TMEM184C: variants seen among roughly 807,000 people sequenced by gnomAD.
TMEM184C encodes transmembrane protein 34.
In TMEM184C, 25 loss-of-function variants were observed where a neutral mutation model predicts 54.5. The observed-to-expected ratio is 0.46, with a 90% CI of 0.33 to 0.64. TMEM184C has a LOEUF of 0.64. TMEM184C is among the 30% of genes least tolerant of loss of function. The pLI is 0.02. For synonymous variants in TMEM184C, 148 were observed against 181.5 expected (o/e 0.82, Z 1.49); for missense variants, 335 against 520.3 (o/e 0.64, Z 3.46).
intron 1 of TMEM184C, among the ~76,000 whole-genome samples, chr4:147,618,919 G>A (rs1732650561): frequency 6.6e-6 from 1 of 152,226 alleles, no homozygotes; most frequent in Non-Finnish European, 1.5e-5. Context: ...GCCCAGGCTG[G>A]AGTGCAATGG....
In TMEM184C at chr4:147,617,949, G is replaced by A. The variant is rs1578855561; in HGVS notation, c.-8G>A. On this transcript the variant is annotated 5_prime_UTR_variant, in exon 1 of 10. Transcript: ENST00000296582. Reference sequence around the variant, plus strand: ...CCCTTGCTAACCGGATCTGATTTGTGCGAAAACATGCCTTGCACTTGTACC... The same window carrying A: ...CCCTTGCTAACCGGATCTGATTTGTACGAAAACATGCCTTGCACTTGTACC... 1.2e-6 allele frequency: 2 copies of A among 1,613,990 alleles called. No individual in the cohort carries two copies. Among genetic ancestry groups the A allele is most frequent in the East Asian group, 4.5e-5 (2 of 44,882 alleles).
Position 147,632,953 on chromosome 4 carries a change from A to C in TMEM184C, c.830A>C (p.Lys277Thr). Residue 277 changes from lysine (K) to threonine (T), a missense_variant, in exon 8 of 10, where the codon AAG becomes ACG. Coordinates refer to ENST00000296582, the MANE Select transcript of TMEM184C (RefSeq NM_018241.3). ...LLVKVGVISE[K>T]HTWEWQTVEA... ...GTAAAAGTTGGCGTTATTTCTGAAA[A>C]GCATACGTGGGAATGGCAAACTGTA... 13 of 1,614,114 alleles carry C rather than the reference A, an allele frequency of 8.1e-6. 1 individual carries two copies. The Middle Eastern group carries it at 2.1e-3, about 266-fold the overall frequency.
At chr4:147,625,317 A>G (rs1222340213) in intron 4 of TMEM184C, among the ~76,000 whole-genome samples, 1 of 152,256 alleles carries the variant, frequency 6.6e-6, no homozygotes, top group African/African-American at 2.4e-5. Flanking sequence ...GATCTTATGT[A>G]AGAACACACA....
At chr4:147,618,398 G>A (rs1053243210) in intron 1 of TMEM184C, among the ~76,000 whole-genome samples, 4 of 152,150 alleles carry the variant, frequency 2.6e-5, no homozygotes, top group Admixed American at 1.3e-4. Flanking sequence ...GACATTGGAC[G>A]AAACTAGGTC....
intron 1 of TMEM184C, among the ~76,000 whole-genome samples, chr4:147,623,564 AAAAG>A (rs201782607): frequency 0.034 from 5,208 of 151,786 alleles, 214 homozygotes; most frequent in East Asian, 0.22. Flanking sequence ...TAAAAAAAAA[AAAAG>A]ATTCATACTC....
chr4:147,631,789 G>A (rs527367644), intron 7 of TMEM184C, among the ~76,000 whole-genome samples: 36 of 152,126 alleles, frequency 2.4e-4, no homozygotes, highest in Non-Finnish European at 4.4e-4. Context: ...AGAATACTAT[G>A]GAGTTTGGAA....
At position 147,636,524 on chromosome 4, in the gene TMEM184C, A is replaced by AAG; in HGVS notation, c.*2094_*2095dup. ...CTAAATGTAAGACCAGAAACTATAG[A>AAG]AGAGAACATAGGAGAAAAGTTCCTG... On this transcript the variant is annotated 3_prime_UTR_variant, in exon 10 of 10. Transcript: ENST00000296582. 1 of 152,254 alleles carries AAG rather than the reference A, an allele frequency of 6.6e-6. No individual in the cohort carries two copies. The highest frequency in any genetic ancestry group is 1.5e-5 in the Non-Finnish European group (1 of 67,978). The allele number at this position is 152,254 out of a possible 1,614,324, so 9.4% of individuals were successfully genotyped here.
At position 147,624,942 on chromosome 4, in the gene TMEM184C, C is replaced by A. The variant is rs1489058984; in HGVS notation, c.430C>A (p.Leu144Ile). The A allele has an allele frequency of 6.2e-7, 1 of 1,613,930 alleles. No homozygotes were observed. The highest frequency in any genetic ancestry group is 1.7e-4 in the Middle Eastern group (1 of 6,058). ...CCGGTATCCAAATCTGGTATTAATC[C>A]TTGAAGCCAAAGATCAACAGAAACA... Reference protein sequence around the residue: ...TNRYPNLVLILEAKDQQKHFP... With the variant: ...TNRYPNLVLIIEAKDQQKHFP... The change falls in exon 4 of 10, where the codon CTT becomes ATT. Residue 144 changes from leucine (L) to isoleucine (I), a missense_variant. Physicochemically the swap from Leu to Ile is conservative, Grantham distance 5. Coordinates refer to ENST00000296582, the MANE Select transcript of TMEM184C (RefSeq NM_018241.3).
chr4:147,623,875 T>C lies in TMEM184C; in HGVS notation c.165T>C (p.Phe55=). The change falls in exon 2 of 10, where the codon TTT becomes TTC. Residue 55 remains phenylalanine (F), a synonymous_variant. Coordinates refer to ENST00000296582, the MANE Select transcript of TMEM184C (RefSeq NM_018241.3). ...AGGCTTGGTTTATTGCTGGAATCTT[T>C]TTGCTGTTGACTATTCCTATATCAC... The part of the protein sequence containing the change: ...HTKAWFIAGI[F]LLLTIPISLW... 1 of 1,614,032 alleles carries C rather than the reference T, an allele frequency of 6.2e-7. No homozygotes were observed. Among genetic ancestry groups the C allele is most frequent in the Non-Finnish European group, 8.5e-7 (1 of 1,179,980 alleles).
chr4:147,624,106 T>C lies in TMEM184C; in HGVS notation c.291+8T>C, dbSNP rs1256202516. ...ATTTACAGTTTAGATAGTGTAAGTA[T>C]GTTTCATTTTTATCTCATTAACTAA... On this transcript the variant is annotated splice_region_variant and intron_variant, in intron 3 of 9. Coordinates refer to ENST00000296582, the MANE Select transcript of TMEM184C (RefSeq NM_018241.3). The C allele has an allele frequency of 6.3e-7, 1 of 1,589,800 alleles. No individual in the cohort carries two copies. The highest frequency in any genetic ancestry group is 2.2e-5 in the East Asian group (1 of 44,650).
At chr4:147,631,637 AT>A (rs1372333549) in intron 7 of TMEM184C, 132 bp downstream of exon 7, 2 of 669,670 alleles carry the variant, frequency 3.0e-6, no homozygotes, top group Non-Finnish European at 5.0e-6. Flanking sequence ...TTAAAAGTTC[AT>A]CTTTTTAGCC....
Position 147,624,112 on chromosome 4 carries a change from A to G in TMEM184C, c.291+14A>G. 6.3e-7 allele frequency: 1 copy of G among 1,582,350 alleles called. No individual in the cohort carries two copies. Among genetic ancestry groups the G allele is most frequent in the Non-Finnish European group, 8.7e-7 (1 of 1,155,766 alleles). On this transcript the variant is annotated intron_variant, in intron 3 of 9. Transcript: ENST00000296582. ...AGTTTAGATAGTGTAAGTATGTTTC[A>G]TTTTTATCTCATTAACTAAGGACTT...
chr4:147,628,553 TA>T (rs559371437), intron 5 of TMEM184C, 118 bp downstream of exon 5: 148 of 789,818 alleles, frequency 1.9e-4, no homozygotes, highest in East Asian at 5.5e-4. Flanking sequence ...TAGTCTGTTG[TA>T]AAAAAAAACA....
rs201220130 is a variant in TMEM184C, at chr4:147,634,360, A to G, written c.1243A>G (p.Lys415Glu). ...TCCCCAGACTACACCTACCACAGCT[A>G]AGATATCTGATGAAATCCTTAGTGA... ...VTPQTTPTTA[K>E]ISDEILSDTI... The change falls in exon 10 of 10, where the codon AAG becomes GAG. Residue 415 changes from lysine (K) to glutamate (E), a missense_variant. Coordinates refer to ENST00000296582, the MANE Select transcript of TMEM184C (RefSeq NM_018241.3). 51 of 1,614,036 alleles carry G rather than the reference A, an allele frequency of 3.2e-5. No individual in the cohort carries two copies. Among genetic ancestry groups the G allele is most frequent in the Middle Eastern group, 3.3e-4 (2 of 6,084 alleles).
At chr4:147,633,207 A>C (rs1362641062) in intron 8 of TMEM184C, among the ~76,000 whole-genome samples, 2 of 152,060 alleles carry the variant, frequency 1.3e-5, no homozygotes, top group African/African-American at 4.8e-5. Context: ...ATTATTCCTA[A>C]GTCCAATTCT....
chr4:147,632,673 G>C (rs1486253818), intron 7 of TMEM184C: 8 of 440,292 alleles, frequency 1.8e-5, no homozygotes, highest in Non-Finnish European at 2.8e-5. Flanking sequence ...CTCTAGATTT[G>C]CTTGAAATGC....
chr4:147,623,723 C>A, intron 1 of TMEM184C, 111 bp from the exon 2 acceptor site: 2 of 1,004,416 alleles, frequency 2.0e-6, no homozygotes, highest in Non-Finnish European at 1.5e-6. Flanking sequence ...AGCGATCCTC[C>A]CACCTCGGCC....
chr4:147,623,610 T>C (rs558121519), intron 1 of TMEM184C, among the ~76,000 whole-genome samples: 1 of 147,236 alleles, frequency 6.8e-6, no homozygotes, highest in East Asian at 2.0e-4. Flanking sequence ...AATATAAAAG[T>C]CCCCCCTCCC....
rs1012113116 is a variant in TMEM184C at position 147,626,006 on chromosome 4, C to T, written c.497+997C>T. ...GAGGTGAAATCATAGGGAGTCAAAG[C>T]TGTCCACTTATACTGAGTCAGTTCC... On this transcript the variant is annotated intron_variant, in intron 4 of 9. Transcript: ENST00000296582. Among the ~76,000 whole-genome samples the T allele has an allele frequency of 3.1e-4, 47 of 152,064 alleles. 1 individual carries two copies. The highest frequency in any genetic ancestry group is 2.7e-3 in the Admixed American group (41 of 15,250).
Sources: allele counts gnomAD v4.1 joint callset (sites outside exome capture counted in the v4.1 genomes callset), GRCh38; gene constraint gnomAD v4.1.1; transcripts MANE v1.5; gene names NCBI Gene and HGNC (gene_info 2026-07-23, HGNC 2026-07-21).